Variants in SLC44A5 observed in about 807,000 individuals in gnomAD.
SLC44A5 encodes the protein choline transporter-like protein 5.
In SLC44A5, 57 loss-of-function variants were observed where a neutral mutation model predicts 101.8. The ratio of observed to expected loss-of-function variants is 0.56; its 90% CI spans 0.45 to 0.70. SLC44A5 has a LOEUF of 0.70. Among genes scored for constraint, SLC44A5 ranks in the 30% least tolerant of loss-of-function variants. SLC44A5 has a pLI of 0.00. For missense variants in SLC44A5, 737 were observed against 853.1 expected (o/e 0.86, Z 1.70); for synonymous variants, 281 against 290.9 (o/e 0.97, Z 0.35).
intron 5 of SLC44A5, among the ~76,000 whole-genome samples, chr1:75,281,324 C>T (rs1182544503): frequency 6.6e-6 from 1 of 152,024 alleles, no homozygotes; most frequent in East Asian, 1.9e-4. Context: ...ATCTGTGGAA[C>T]TTTGAACTTG....
intron 1 of SLC44A5, among the ~76,000 whole-genome samples, chr1:75,606,972 T>A (rs1362609246): frequency 6.6e-6 from 1 of 151,870 alleles, no homozygotes; most frequent in Non-Finnish European, 1.5e-5. Context: ...TATACTCAAT[T>A]CCCAGTGAGT....
intron 2 of SLC44A5, among the ~76,000 whole-genome samples, chr1:75,432,756 T>G (rs1216609261): frequency 6.6e-6 from 1 of 151,964 alleles, no homozygotes; most frequent in African/African-American, 2.4e-5. Context: ...TCTGTTCACC[T>G]GAAAAAAAAA....
rs116779743 is a variant in SLC44A5 at position 75,313,505 on chromosome 1, G to C, written c.102-12820C>G. 8.5e-3 allele frequency among the ~76,000 whole-genome samples: 1,288 copies of C among 152,232 alleles called. 17 individuals are homozygous for C. The highest frequency in any genetic ancestry group is 0.03 in the African/African-American group (1,234 of 41,526). ...CTGTCTTTTCTGTAATGGACATAAG[G>C]GGTTGTTGCTGTATTGTTGGCTTTA... On this transcript the variant is annotated intron_variant, in intron 4 of 23. Transcript: ENST00000370859.
intron 3 of SLC44A5, among the ~76,000 whole-genome samples, chr1:75,387,568 C>T (rs1661457236): frequency 1.6e-5 from 1 of 64,330 alleles, no homozygotes; most frequent in Non-Finnish European, 3.1e-5. Flanking sequence ...ACAACAGGTG[C>T]TGGAGAGGAT....
At chr1:75,269,401 G>A (rs1430251961) in intron 6 of SLC44A5, among the ~76,000 whole-genome samples, 1 of 151,938 alleles carries the variant, frequency 6.6e-6, no homozygotes, top group Non-Finnish European at 1.5e-5. Context: ...ATGAGTTAAG[G>A]TGTATTTATG....
rs201689885 is a variant in SLC44A5, at chr1:75,575,972, G to A, written c.-69-34456C>T. ...AATGTTGGAGAGCTTGTGACTAAGA[G>A]GCATAAATACAAACAGCACCAGAAA... is the stretch of plus-strand genomic sequence containing the variant. On this transcript the variant is annotated intron_variant, in intron 1 of 23. Coordinates refer to ENST00000370859, the MANE Select transcript of SLC44A5 (RefSeq NM_001130058.2). 3.9e-5 allele frequency among the ~76,000 whole-genome samples: 6 copies of A among 152,190 alleles called. No homozygotes were observed. In the East Asian group the frequency reaches 9.7e-4, roughly 25 times the overall value.
At chr1:75,639,370 T>C in the SLC44A5 span, among the ~76,000 whole-genome samples, 23 of 152,106 alleles carry the variant, frequency 1.5e-4, no homozygotes, top group African/African-American at 3.4e-4. Flanking sequence ...TACCAGTCTA[T>C]AGTTCATGTT....
At chr1:75,294,736 A>T (rs1261077259) in intron 5 of SLC44A5, among the ~76,000 whole-genome samples, 2 of 152,198 alleles carry the variant, frequency 1.3e-5, no homozygotes, top group Non-Finnish European at 2.9e-5. Flanking sequence ...TGACAGCATG[A>T]GTGAACCTAG....
chr1:75,365,180 T>C (rs1022361838), intron 3 of SLC44A5, among the ~76,000 whole-genome samples: 3 of 152,176 alleles, frequency 2.0e-5, no homozygotes, highest in African/African-American at 7.2e-5. Flanking sequence ...GTATTTTAAG[T>C]TCAGGGGTAC....
At chr1:75,561,509 A>T (rs1411894626) in intron 1 of SLC44A5, among the ~76,000 whole-genome samples, 1 of 152,154 alleles carries the variant, frequency 6.6e-6, no homozygotes, top group Non-Finnish European at 1.5e-5. Context: ...AACACCTATA[A>T]CATTCAATAC....
the SLC44A5 span, among the ~76,000 whole-genome samples, chr1:75,702,592 G>A: frequency 6.6e-6 from 1 of 152,320 alleles, no homozygotes; most frequent in East Asian, 1.9e-4. Flanking sequence ...TCAGGACATA[G>A]GCATGGGCGA....
At chr1:75,513,759 T>C (rs951026651) in intron 2 of SLC44A5, among the ~76,000 whole-genome samples, 1 of 152,208 alleles carries the variant, frequency 6.6e-6, no homozygotes, top group Non-Finnish European at 1.5e-5. Context: ...ACTTTTCCTA[T>C]TGGCTCTTCT....
the SLC44A5 span, among the ~76,000 whole-genome samples, chr1:75,679,280 C>T: frequency 6.6e-6 from 1 of 152,028 alleles, no homozygotes; most frequent in Non-Finnish European, 1.5e-5. Context: ...AGATACTCCT[C>T]GAGAAGAGCA....
chr1:75,550,301 C>T (rs969236192), intron 1 of SLC44A5, among the ~76,000 whole-genome samples: 2 of 151,986 alleles, frequency 1.3e-5, no homozygotes, highest in Non-Finnish European at 2.9e-5. Flanking sequence ...CACAAAAAGC[C>T]AGAAATACAT....
intron 3 of SLC44A5, among the ~76,000 whole-genome samples, chr1:75,359,727 G>T (rs1391013635): frequency 1.3e-5 from 2 of 152,016 alleles, no homozygotes; most frequent in African/African-American, 4.8e-5. Context: ...TCTATTTTTG[G>T]TTTTTTGGGG....
chr1:75,436,893 G>A (rs934306242), intron 2 of SLC44A5, among the ~76,000 whole-genome samples: 1 of 151,712 alleles, frequency 6.6e-6, no homozygotes. Flanking sequence ...TTTGTTAAAA[G>A]CTAAGACATA....
chr1:75,663,958 C>T, the SLC44A5 span, among the ~76,000 whole-genome samples: 10 of 152,134 alleles, frequency 6.6e-5, no homozygotes, highest in African/African-American at 2.4e-4. Context: ...ACTTAATTCA[C>T]CATGATCAAG....
intron 2 of SLC44A5, among the ~76,000 whole-genome samples, chr1:75,515,028 G>T (rs1325142437): frequency 6.6e-6 from 1 of 152,102 alleles, no homozygotes; most frequent in Non-Finnish European, 1.5e-5. Context: ...AATATTAATT[G>T]CAGCATAACT....
intron 4 of SLC44A5, among the ~76,000 whole-genome samples, chr1:75,324,577 A>G (rs192784177): frequency 6.6e-6 from 1 of 152,318 alleles, no homozygotes. Context: ...GTATTACACA[A>G]GTGCATGCGT....
Sources: allele counts gnomAD v4.1 joint callset (sites outside exome capture counted in the v4.1 genomes callset), GRCh38; gene constraint gnomAD v4.1.1; transcripts MANE v1.5; gene names NCBI Gene and HGNC (gene_info 2026-07-23, HGNC 2026-07-21).